MTHFS: variants seen among roughly 807,000 people sequenced by gnomAD.
The protein encoded by MTHFS is 5-formyltetrahydrofolate cyclo-ligase.
Under a neutral mutation model 12.7 loss-of-function variants are expected in MTHFS, and 7 were observed. The observed-to-expected ratio is 0.55, with a 90% CI of 0.31 to 1.03. The LOEUF is 1.03. Ranked by LOEUF, MTHFS falls within the 50% of genes least tolerant of loss-of-function variation. MTHFS has a pLI of 0.05. For missense variants in MTHFS, 252 were observed against 258.1 expected (o/e 0.98, Z 0.16); for synonymous variants, 100 against 97.1 (o/e 1.03, Z -0.18).
intron 2 of MTHFS, among the ~76,000 whole-genome samples, chr15:79,886,837 T>C (rs2034390672): frequency 6.6e-6 from 1 of 152,228 alleles, no homozygotes; most frequent in Non-Finnish European, 1.5e-5. Context: ...AAATGTTAAC[T>C]ACTTGGCTAG....
chr15:79,893,667 C>T, intron 1 of MTHFS, among the ~76,000 whole-genome samples: 1 of 145,718 alleles, frequency 6.9e-6, no homozygotes, highest in East Asian at 2.0e-4. Context: ...CACTGCATAA[C>T]AGCCTGGGCA....
intron 1 of MTHFS, among the ~76,000 whole-genome samples, chr15:79,892,217 A>G (rs1026424776): frequency 2.0e-5 from 3 of 152,128 alleles, no homozygotes; most frequent in Non-Finnish European, 4.4e-5. Flanking sequence ...AGAAAGACAA[A>G]GATATTAGAC....
chr15:79,896,844 G>T, intron 1 of MTHFS, 28 bp downstream of exon 1: 1 of 1,539,132 alleles, frequency 6.5e-7, no homozygotes, highest in African/African-American at 1.4e-5. Flanking sequence ...TCTGTCCGCC[G>T]CGGCTTCCGC....
At chr15:79,875,671 G>A (rs1181869237) in intron 2 of MTHFS, among the ~76,000 whole-genome samples, 2 of 152,030 alleles carry the variant, frequency 1.3e-5, no homozygotes, top group African/African-American at 4.8e-5. Context: ...ATTAGGCAAT[G>A]GTTTCTTAGC....
At chr15:79,893,438 C>G (rs1268249747) in intron 1 of MTHFS, among the ~76,000 whole-genome samples, 1 of 151,832 alleles carries the variant, frequency 6.6e-6, no homozygotes, top group Non-Finnish European at 1.5e-5. Flanking sequence ...GTGGCTCACG[C>G]CTGTAATCCC....
rs1566998968 is a variant in MTHFS, at chr15:79,889,343, G to A, written c.129C>T (p.His43=). 6.2e-7 allele frequency: 1 copy of A among 1,613,404 alleles called. No individual in the cohort carries two copies. The highest frequency in any genetic ancestry group is 2.2e-5 in the East Asian group (1 of 44,884). The change falls in exon 2 of 3, where the codon CAC becomes CAT. Residue 43 remains histidine (H), a synonymous_variant. Coordinates refer to ENST00000258874, the MANE Select transcript of MTHFS (RefSeq NM_006441.4). ...TTCTTTTGGACTTTTGATACTCACT[G>A]TGGGCAATCACCTAAATGGGAAATT... ...SRVLSQKVIA[H]SEYQKSKRIS...
intron 2 of MTHFS, among the ~76,000 whole-genome samples, chr15:79,874,412 T>C (rs1468360960): frequency 1.3e-5 from 2 of 151,920 alleles, no homozygotes; most frequent in East Asian, 1.9e-4. Context: ...TGGCAGCCAA[T>C]GGAGGGGCAG....
rs1005627954 is a variant in MTHFS at position 79,877,002 on chromosome 15, C to T, written c.379+12091G>A. The T allele has an allele frequency of 3.9e-5, 6 of 151,954 alleles. No homozygotes were observed. The South Asian group carries it at 1.0e-3, about 26-fold the overall frequency. The allele number at this position is 151,954 out of a possible 1,614,324, so 9.4% of individuals were successfully genotyped here. A position where few individuals can be genotyped will look rare whatever the true frequency, so the allele number is the denominator to read the frequency against. On this transcript the variant is annotated intron_variant, in intron 2 of 2. Transcript: ENST00000258874. ...AGGTTGCAGTGAGCTGAGATTGCACCATTGCACTCCAGCCTGGGCGACAAC... is the reference window on the plus strand; with the variant it reads ...AGGTTGCAGTGAGCTGAGATTGCACTATTGCACTCCAGCCTGGGCGACAAC...
intron 2 of MTHFS, among the ~76,000 whole-genome samples, chr15:79,885,410 C>T (rs2034364985): frequency 6.6e-6 from 1 of 152,146 alleles, no homozygotes; most frequent in South Asian, 2.1e-4. Flanking sequence ...TGCAGAATTT[C>T]AGAAATGATT....
intron 2 of MTHFS, among the ~76,000 whole-genome samples, chr15:79,860,031 T>C (rs1389133140): frequency 1.3e-5 from 2 of 152,084 alleles, no homozygotes; most frequent in Non-Finnish European, 2.9e-5. Context: ...ACTTTACTAA[T>C]AACATTTTAA....
chr15:79,874,425 C>G (rs987160245), intron 2 of MTHFS, among the ~76,000 whole-genome samples: 1 of 152,066 alleles, frequency 6.6e-6, no homozygotes, highest in Non-Finnish European at 1.5e-5. Context: ...AGGGGCAGAA[C>G]AGGTTTGGAG....
rs57309663 is a variant in MTHFS, at chr15:79,891,963, CAAAAAAAA to C, written c.118-2617_118-2610del. Among the ~76,000 whole-genome samples, 52 of 84,268 alleles carry C rather than the reference CAAAAAAAA, an allele frequency of 6.2e-4. 1 individual carries two copies. The Admixed American group carries it at 7.5e-3, about 12-fold the overall frequency. The allele number at this position is 84,268 out of a possible 152,430, so 55.3% of individuals were successfully genotyped here. A position where few individuals can be genotyped will look rare whatever the true frequency, so the allele number is the denominator to read the frequency against. On this transcript the variant is annotated intron_variant, in intron 1 of 2. Transcript: ENST00000258874. The stretch of plus-strand genomic sequence containing the variant: ...GGGCAACAAGAATGAAACTCCATCT[CAAAAAAAA>C]AAAAAAAAAAAAAAGAGAAAGAAAA...
chr15:79,893,422 G>A (rs575717619), intron 1 of MTHFS, among the ~76,000 whole-genome samples: 3 of 151,708 alleles, frequency 2.0e-5, no homozygotes, highest in African/African-American at 7.3e-5. Context: ...AAACTGGCTA[G>A]GCGCGGTGGC....
In MTHFS at chr15:79,880,534, C is replaced by T. The variant is rs16971482; in HGVS notation, c.379+8559G>A. Among the ~76,000 whole-genome samples, 2,931 of 151,908 alleles carry T rather than the reference C, an allele frequency of 0.019. 180 individuals carry two copies. In the East Asian group the frequency reaches 0.22, roughly 11 times the overall value. ...ACTCAATATACAATTCTCAGCTGTA[C>T]TTTAAAAAGGATATTTAAGTTACTG... On this transcript the variant is annotated intron_variant, in intron 2 of 2. Coordinates refer to ENST00000258874, the MANE Select transcript of MTHFS (RefSeq NM_006441.4).
At chr15:79,888,204 C>T (rs2034412787) in intron 2 of MTHFS, among the ~76,000 whole-genome samples, 1 of 152,110 alleles carries the variant, frequency 6.6e-6, no homozygotes, top group South Asian at 2.1e-4. Flanking sequence ...GTATTAAGAC[C>T]CAGCAGTAGA....
At chr15:79,871,879 T>C (rs2034111926) in intron 2 of MTHFS, among the ~76,000 whole-genome samples, 1 of 151,868 alleles carries the variant, frequency 6.6e-6, no homozygotes, top group Non-Finnish European at 1.5e-5. Context: ...GGCCGAGGCA[T>C]GGATCACGAG....
chr15:79,875,176 T>C (rs2034170656), intron 2 of MTHFS, among the ~76,000 whole-genome samples: 1 of 151,830 alleles, frequency 6.6e-6, no homozygotes, highest in Admixed American at 6.6e-5. Context: ...TTTCGAGAAC[T>C]AATAAATGTC....
chr15:79,896,306 A>T (rs1460430251), intron 1 of MTHFS, among the ~76,000 whole-genome samples: 1 of 152,204 alleles, frequency 6.6e-6, no homozygotes, highest in Non-Finnish European at 1.5e-5. Context: ...AGCCCTCCAT[A>T]TGCTTAGTGA....
At chr15:79,861,900 G>A (rs1255681799) in intron 2 of MTHFS, among the ~76,000 whole-genome samples, 1 of 152,154 alleles carries the variant, frequency 6.6e-6, no homozygotes, top group Non-Finnish European at 1.5e-5. Flanking sequence ...TATCTAGAAG[G>A]ATACACAAGT....
Sources: gnomAD v4.1 joint callset for allele counts (sites outside exome capture counted in the v4.1 genomes callset) on GRCh38, gnomAD v4.1.1 for gene constraint, MANE v1.5 for transcripts, NCBI Gene and HGNC (gene_info 2026-07-23, HGNC 2026-07-21) for gene names.